VAV3: variants seen among roughly 807,000 people sequenced by gnomAD.
The protein encoded by VAV3 is guanine nucleotide exchange factor VAV3.
VAV3 carries 94 observed loss-of-function variants against 131.2 expected under a neutral mutation model. That is an observed-to-expected ratio of 0.72 (90% CI 0.61 to 0.85). VAV3 has a LOEUF of 0.85. VAV3 is among the 40% of genes least tolerant of loss of function. VAV3 has a pLI of 0.00. For missense variants in VAV3, 939 were observed against 1,002.7 expected, an observed-to-expected ratio of 0.94 and a Z score of 0.86; for synonymous variants, 349 against 342.0, an observed-to-expected ratio of 1.02 and a Z score of -0.22.
At chr1:107,765,443 G>A (rs967716400) in intron 8 of VAV3, among the ~76,000 whole-genome samples, 1 of 152,154 alleles carries the variant, frequency 6.6e-6, no homozygotes, top group African/African-American at 2.4e-5. Context: ...CTGGCTTGAT[G>A]ACTGTTAATG....
At chr1:107,919,921 G>A (rs1187880911) in intron 1 of VAV3, among the ~76,000 whole-genome samples, 1 of 151,894 alleles carries the variant, frequency 6.6e-6, no homozygotes, top group Non-Finnish European at 1.5e-5. Flanking sequence ...AAAAATGAAA[G>A]AGAAAATTAA....
At chr1:107,902,588 T>C (rs1373237085) in intron 1 of VAV3, among the ~76,000 whole-genome samples, 4 of 152,220 alleles carry the variant, frequency 2.6e-5, no homozygotes, top group Non-Finnish European at 5.9e-5. Context: ...TTCTTTACAT[T>C]GATTTATGAT....
intron 20 of VAV3, among the ~76,000 whole-genome samples, chr1:107,639,899 A>ACACT (rs1655213194): frequency 6.6e-6 from 1 of 151,440 alleles, no homozygotes; most frequent in East Asian, 1.9e-4. Flanking sequence ...GTAGTACCAC[A>ACACT]CACTCCAGCC....
chr1:107,761,256 G>T (rs1183896994), intron 9 of VAV3, among the ~76,000 whole-genome samples: 2 of 151,908 alleles, frequency 1.3e-5, no homozygotes, highest in Non-Finnish European at 2.9e-5. Context: ...AGCCGGTCAT[G>T]GTGGCAGGTG....
chr1:107,690,750 T>C (rs577187358), intron 17 of VAV3, among the ~76,000 whole-genome samples: 19 of 152,274 alleles, frequency 1.2e-4, no homozygotes, highest in African/African-American at 4.6e-4. Flanking sequence ...TTGTGCTGGA[T>C]GCAACTCCAA....
chr1:107,674,330 T>C (rs1658041237), intron 19 of VAV3, among the ~76,000 whole-genome samples: 2 of 152,220 alleles, frequency 1.3e-5, no homozygotes, highest in Admixed American at 6.5e-5. Flanking sequence ...CCTTATCTTC[T>C]GGTAGGGATT....
At chr1:107,956,960 G>A (rs1351991814) in intron 1 of VAV3, among the ~76,000 whole-genome samples, 5 of 152,124 alleles carry the variant, frequency 3.3e-5, no homozygotes, top group South Asian at 2.1e-4. Context: ...ACTGAATCAG[G>A]AAGTTAAGAG....
At chr1:107,818,783 C>T (rs1349024089) in intron 2 of VAV3, among the ~76,000 whole-genome samples, 1 of 152,124 alleles carries the variant, frequency 6.6e-6, no homozygotes, top group Admixed American at 6.5e-5. Flanking sequence ...CTCATGATGC[C>T]AGGTCTCTAG....
chr1:107,964,272 G>A (rs1490796919), intron 1 of VAV3, among the ~76,000 whole-genome samples: 1 of 152,154 alleles, frequency 6.6e-6, no homozygotes, highest in Non-Finnish European at 1.5e-5. Flanking sequence ...AGCAAAAGAA[G>A]AGACTAAAGG....
At chr1:107,922,871 G>A (rs1265552276) in intron 1 of VAV3, among the ~76,000 whole-genome samples, 1 of 150,842 alleles carries the variant, frequency 6.6e-6, no homozygotes. Context: ...AGAATGGCGT[G>A]AACCCGGGAG....
chr1:107,683,503 T>G lies in VAV3; in HGVS notation c.1762A>C (p.Lys588Gln), dbSNP rs1487401595. 3 of 1,614,052 alleles carry G rather than the reference T, an allele frequency of 1.9e-6. No individual in the cohort carries two copies. The highest frequency in any genetic ancestry group is 2.5e-6 in the Non-Finnish European group (3 of 1,179,914). ...AGAAACACACCTGGATCCACCTGTT[T>G]AGGAGTTCTTCGCAGTCCATTGGTC... ...KRTNGLRRTP[K>Q]QVDPGLPKMQ... The change falls in exon 19 of 27, where the codon AAA (lysine) becomes CAA (glutamine). Residue 588 changes from lysine to glutamine, a missense_variant. Physicochemically the swap from Lys to Gln is moderately conservative, Grantham distance 53 (BLOSUM62 1). Coordinates refer to ENST00000370056, the MANE Select transcript of VAV3 (RefSeq NM_006113.5).
chr1:107,695,204 C>T lies in VAV3; in HGVS notation c.1706-6798G>A, dbSNP rs144771323. Among the ~76,000 whole-genome samples the T allele has an allele frequency of 9.2e-5, 14 of 152,038 alleles. No individual in the cohort carries two copies. In the East Asian group the frequency reaches 2.3e-3, roughly 25 times the overall value. ...AATGAGCTGTACAAATTACTTAGAG[C>T]TTTGTAGGCCATATTGGAAAGTTTG... On this transcript the variant is annotated intron_variant, in intron 17 of 26. Transcript: ENST00000370056.
At chr1:107,592,056 C>CGTGTGTGT (rs35290300) in intron 25 of VAV3, among the ~76,000 whole-genome samples, 9 of 148,700 alleles carry the variant, frequency 6.1e-5, no homozygotes, top group Admixed American at 6.7e-5. Flanking sequence ...TATATACATA[C>CGTGTGTGT]GTGTGTGTGT....
chr1:107,715,085 T>C (rs1013464886), intron 15 of VAV3, among the ~76,000 whole-genome samples: 1 of 152,154 alleles, frequency 6.6e-6, no homozygotes, highest in Non-Finnish European at 1.5e-5. Flanking sequence ...AGTGTGGCTT[T>C]TGGCCCATAA....
chr1:107,653,015 C>T (rs1233536824), intron 19 of VAV3, among the ~76,000 whole-genome samples: 6 of 151,758 alleles, frequency 4.0e-5, no homozygotes, highest in Non-Finnish European at 7.4e-5. Flanking sequence ...TATTTGCTTG[C>T]TTTTCTTTAT....
chr1:107,766,767 AGAG>A (rs1664755522), intron 7 of VAV3, among the ~76,000 whole-genome samples: 1 of 151,876 alleles, frequency 6.6e-6, no homozygotes, highest in Non-Finnish European at 1.5e-5. Context: ...ACAGGGTAGA[AGAG>A]GAGGAGGGAG....
chr1:107,783,910 AT>A (rs1203715615), intron 2 of VAV3, among the ~76,000 whole-genome samples: 3 of 147,880 alleles, frequency 2.0e-5, no homozygotes, highest in South Asian at 2.2e-4. Flanking sequence ...AAAAAAAAAA[AT>A]TAGCCAGGCA....
At chr1:107,642,858 T>A in intron 19 of VAV3, 103 bp from the exon 20 acceptor site, 1 of 1,492,116 alleles carries the variant, frequency 6.7e-7, no homozygotes, top group East Asian at 2.3e-5. Flanking sequence ...AAAGTGTTAA[T>A]ACCACCAAGT....
At chr1:107,623,863 C>T (rs906000594) in intron 20 of VAV3, among the ~76,000 whole-genome samples, 4 of 152,050 alleles carry the variant, frequency 2.6e-5, no homozygotes, top group Non-Finnish European at 4.4e-5. Flanking sequence ...ACAAAATGTC[C>T]CTATCTCTGG....
Sources: gnomAD v4.1 joint callset for allele counts (sites outside exome capture counted in the v4.1 genomes callset) on GRCh38, gnomAD v4.1.1 for gene constraint, MANE v1.5 for transcripts, NCBI Gene and HGNC (gene_info 2026-07-23, HGNC 2026-07-21) for gene names.